The following GRIA2 variants were observed in gnomAD, a reference collection of about 807,000 sequenced individuals.
GRIA2 encodes glutamate receptor 2.
Under a neutral mutation model 97.3 loss-of-function variants are expected in GRIA2, and 14 were observed. The ratio of observed to expected loss-of-function variants is 0.14; its 90% confidence interval spans 0.10 to 0.23. The LOEUF is 0.23. Ranked by LOEUF, GRIA2 falls within the 10% of genes least tolerant of loss-of-function variation. The pLI is 1.00. For synonymous variants in GRIA2, 412 were observed against 387.8 expected (o/e 1.06, Z -0.73); for missense variants, 558 against 1,069.8 (o/e 0.52, Z 6.67).
chr4:157,340,828 A>C (rs1288102604), intron 11 of GRIA2, among the ~76,000 whole-genome samples: 1 of 152,022 alleles, frequency 6.6e-6, no homozygotes, highest in Admixed American at 6.6e-5. Context: ...TTTGGTGTTT[A>C]AAGTTACATC....
chr4:157,307,110 TATA>T (rs1345817501), intron 3 of GRIA2, among the ~76,000 whole-genome samples: 1 of 152,202 alleles, frequency 6.6e-6, no homozygotes, highest in African/African-American at 2.4e-5. Flanking sequence ...ATTGGTTAAT[TATA>T]ATGTCTAAAT....
At chr4:157,351,790 T>G (rs568667048) in intron 12 of GRIA2, among the ~76,000 whole-genome samples, 39 of 152,328 alleles carry the variant, frequency 2.6e-4, no homozygotes, top group Admixed American at 1.2e-3. Flanking sequence ...TCTTACCCTT[T>G]GCTCCATACT....
intron 3 of GRIA2, among the ~76,000 whole-genome samples, chr4:157,309,383 G>A (rs892507285): frequency 2.4e-4 from 31 of 130,588 alleles, no homozygotes; most frequent in East Asian, 2.2e-4. Flanking sequence ...ATGGAGTCCC[G>A]CTCTGTCACC....
intron 2 of GRIA2, among the ~76,000 whole-genome samples, chr4:157,256,235 T>TATATA (rs1404193764): frequency 3.3e-5 from 3 of 89,834 alleles, no homozygotes; most frequent in African/African-American, 1.1e-4. Flanking sequence ...TAATATATAA[T>TATATA]ATATATATAT....
At chr4:157,300,051 A>G (rs1295450373) in intron 2 of GRIA2, among the ~76,000 whole-genome samples, 1 of 151,456 alleles carries the variant, frequency 6.6e-6, no homozygotes, top group East Asian at 1.9e-4. Context: ...TTGTCTTTGG[A>G]TTGATTTTCA....
At chr4:157,360,377 T>C (rs1223108434) in intron 13 of GRIA2, among the ~76,000 whole-genome samples, 1 of 152,132 alleles carries the variant, frequency 6.6e-6, no homozygotes, top group Non-Finnish European at 1.5e-5. Flanking sequence ...CTTTTTTTTT[T>C]CCTTTAAGAG....
intron 2 of GRIA2, among the ~76,000 whole-genome samples, chr4:157,225,133 G>A (rs1408998025): frequency 6.6e-6 from 1 of 152,060 alleles, no homozygotes; most frequent in African/African-American, 2.4e-5. Flanking sequence ...CACTGAATGG[G>A]TTAAGGTTAT....
At chr4:157,348,127 A>G (rs1735843273) in intron 12 of GRIA2, among the ~76,000 whole-genome samples, 1 of 152,100 alleles carries the variant, frequency 6.6e-6, no homozygotes, top group Non-Finnish European at 1.5e-5. Context: ...AAAAAAAAAG[A>G]AAATTTGATA....
chr4:157,241,767 A>G (rs1730522560), intron 2 of GRIA2, among the ~76,000 whole-genome samples: 1 of 152,054 alleles, frequency 6.6e-6, no homozygotes, highest in Admixed American at 6.6e-5. Context: ...TTGTATGGCT[A>G]TTAGAAAATA....
At chr4:157,294,204 T>TG (rs1733235880) in intron 2 of GRIA2, among the ~76,000 whole-genome samples, 2 of 151,820 alleles carry the variant, frequency 1.3e-5, no homozygotes, top group Admixed American at 6.6e-5. Context: ...TTTTTTTTTT[T>TG]TGTATTTTAT....
At chr4:157,285,638 G>T (rs1449310680) in intron 2 of GRIA2, among the ~76,000 whole-genome samples, 1 of 151,026 alleles carries the variant, frequency 6.6e-6, no homozygotes, top group African/African-American at 2.4e-5. Context: ...TAACTGAAGA[G>T]TCTATTTCCC....
At chr4:157,342,073 G>T in intron 12 of GRIA2, 1 of 953,726 alleles carries the variant, frequency 1.0e-6, no homozygotes, top group Non-Finnish European at 1.2e-6. Flanking sequence ...TAAGCCCAAG[G>T]ACCTGATGTT....
rs1270946361 is a variant in GRIA2 at position 157,308,512 on chromosome 4, G to T, written c.470-4167G>T. Among the ~76,000 whole-genome samples the T allele has an allele frequency of 4.6e-5, 7 of 152,160 alleles. No individual in the cohort carries two copies. In the East Asian group the frequency reaches 1.4e-3, roughly 29 times the overall value. On this transcript the variant is annotated intron_variant, in intron 3 of 15. Transcript: ENST00000264426. ...AGGAATAATCTTCCAGATTTCTTCT[G>T]TTTTTAGATGATCAACTATGTATCT...
chr4:157,304,936 G>A (rs144770421), intron 3 of GRIA2, among the ~76,000 whole-genome samples: 26 of 152,138 alleles, frequency 1.7e-4, no homozygotes, highest in Middle Eastern at 6.8e-3. Flanking sequence ...CAGTGGAAAA[G>A]CCAGTCAGCA....
chr4:157,324,102 C>T (rs1449060203), intron 6 of GRIA2, among the ~76,000 whole-genome samples: 2 of 152,152 alleles, frequency 1.3e-5, no homozygotes, highest in Non-Finnish European at 2.9e-5. Flanking sequence ...GCTTTGGAAA[C>T]ATAGGTGCCT....
chr4:157,358,688 G>T (rs143027011), intron 12 of GRIA2, among the ~76,000 whole-genome samples: 4 of 152,132 alleles, frequency 2.6e-5, no homozygotes, highest in Non-Finnish European at 5.9e-5. Context: ...TTAAGTCTGA[G>T]CATCTCTGTT....
chr4:157,298,302 A>G (rs1001824705), intron 2 of GRIA2, among the ~76,000 whole-genome samples: 1 of 152,120 alleles, frequency 6.6e-6, no homozygotes, highest in Non-Finnish European at 1.5e-5. Context: ...AGAACAGTGC[A>G]TAGTAGGTTC....
intron 12 of GRIA2, among the ~76,000 whole-genome samples, chr4:157,344,753 G>C (rs1240822336): frequency 6.6e-6 from 1 of 151,942 alleles, no homozygotes. Flanking sequence ...GTCAACGGTT[G>C]GTTTTCGTCA....
chr4:157,276,375 A>G (rs1310157274), intron 2 of GRIA2, among the ~76,000 whole-genome samples: 4 of 152,108 alleles, frequency 2.6e-5, no homozygotes, highest in Non-Finnish European at 5.9e-5. Flanking sequence ...TGGATGCAGC[A>G]AAAGAAGTGC....
Sources: allele counts gnomAD v4.1 joint callset (sites outside exome capture counted in the v4.1 genomes callset), GRCh38; gene constraint gnomAD v4.1.1; transcripts MANE v1.5; gene names NCBI Gene and HGNC (gene_info 2026-07-23, HGNC 2026-07-21).